SPATA9: variants seen among roughly 807,000 people sequenced by gnomAD.
SPATA9 encodes the protein spermatogenesis associated 9.
Under a neutral mutation model 25.5 loss-of-function variants are expected in SPATA9, and 27 were observed. That is an observed-to-expected ratio of 1.06 (90% CI 0.78 to 1.46). The LOEUF (loss-of-function observed/expected upper bound fraction) is 1.46, where lower values mean the gene tolerates loss of function less well. Among genes scored for constraint, SPATA9 ranks in the 40% most tolerant of loss-of-function variants. SPATA9 has a pLI of 0.00. For missense variants in SPATA9, 282 were observed against 297.5 expected, an observed-to-expected ratio of 0.95 and a Z score of 0.38; for synonymous variants, 102 against 105.7, an observed-to-expected ratio of 0.97 and a Z score of 0.21.
chr5:95,725,056 G>A, the SPATA9 span, among the ~76,000 whole-genome samples: 1 of 151,554 alleles, frequency 6.6e-6, no homozygotes, highest in Non-Finnish European at 1.5e-5. Flanking sequence ...CACATGCCAT[G>A]TGACCTAGCA....
At chr5:95,683,600 C>T (rs1373474534), upstream of SPATA9, among the ~76,000 whole-genome samples, 2 of 152,074 alleles carry the variant, frequency 1.3e-5, no homozygotes, top group Admixed American at 1.3e-4. Flanking sequence ...TGCAGTGGCG[C>T]GATCTTGGCT....
intron 1 of SPATA9, among the ~76,000 whole-genome samples, chr5:95,697,007 T>C (rs1284725839): frequency 6.6e-6 from 1 of 152,236 alleles, no homozygotes; most frequent in Admixed American, 6.5e-5. Context: ...TTTTATAACA[T>C]CATGCATTGA....
At position 95,658,595 on chromosome 5, in the gene SPATA9, CTTAAG is replaced by C; in HGVS notation, c.*23_*27del. The C allele has an allele frequency of 6.3e-7, 1 of 1,588,704 alleles. No homozygotes were observed. The highest frequency in any genetic ancestry group is 8.6e-7 in the Non-Finnish European group (1 of 1,168,436). On this transcript the variant is annotated 3_prime_UTR_variant, in exon 5 of 5. Transcript: ENST00000274432. ...GAAATGTGCCATTAAATAGATAACT[CTTAAG>C]TTCTGTTCAGTGATACCTGTATTCA...
chr5:95,678,512 C>T lies in SPATA9; in HGVS notation c.151-2873G>A, dbSNP rs554545808. Among the ~76,000 whole-genome samples the T allele has an allele frequency of 4.6e-5, 7 of 152,288 alleles. No individual in the cohort carries two copies. The South Asian group carries it at 1.5e-3, about 32-fold the overall frequency. ...CTAGGTATATTCCTCTATAAAAATT[C>T]CATTGTCACTCCCATCAAATCTTTT... On this transcript the variant is annotated intron_variant, in intron 2 of 4. Transcript: ENST00000274432.
the SPATA9 span, among the ~76,000 whole-genome samples, chr5:95,707,538 A>T: frequency 6.6e-6 from 1 of 152,206 alleles, no homozygotes; most frequent in African/African-American, 2.4e-5. Context: ...AAAAGTTAAA[A>T]GGATAAATGG....
the SPATA9 span, among the ~76,000 whole-genome samples, chr5:95,724,857 G>A: frequency 6.6e-6 from 1 of 152,096 alleles, no homozygotes; most frequent in Non-Finnish European, 1.5e-5. Context: ...AGCACTTAAT[G>A]TAATGCCTGG....
the SPATA9 span, among the ~76,000 whole-genome samples, chr5:95,722,242 G>A: frequency 6.6e-6 from 1 of 152,122 alleles, no homozygotes; most frequent in Non-Finnish European, 1.5e-5. Context: ...TTTTAGTACA[G>A]TTAAAACATG....
At chr5:95,654,940 A>G (rs1188870323), downstream of SPATA9, among the ~76,000 whole-genome samples, 1 of 152,108 alleles carries the variant, frequency 6.6e-6, no homozygotes, top group Admixed American at 6.5e-5. Flanking sequence ...TATATTTTTA[A>G]AGAAATAAAC....
chr5:95,721,531 T>C, the SPATA9 span, among the ~76,000 whole-genome samples: 1 of 151,916 alleles, frequency 6.6e-6, no homozygotes, highest in Admixed American at 6.6e-5. Flanking sequence ...AAGAAACTAG[T>C]AGTATAGCTG....
chr5:95,673,752 CTT>C (rs749425599), intron 3 of SPATA9, among the ~76,000 whole-genome samples: 1 of 140,986 alleles, frequency 7.1e-6, no homozygotes. Flanking sequence ...TTCTTTTTTT[CTT>C]TTTTTTTTTA....
At chr5:95,708,450 G>A in the SPATA9 span, among the ~76,000 whole-genome samples, 21 of 152,272 alleles carry the variant, frequency 1.4e-4, no homozygotes, top group East Asian at 4.0e-3. Flanking sequence ...ATTTTTTCTA[G>A]TACATAATTT....
In SPATA9 at chr5:95,658,521, AAGCAG is replaced by A; in HGVS notation, c.*97_*101del. ...TAGCCCCCTTCTCTTTTTTTTAAGA[AAGCAG>A]AGCAATTCAGAATATGTAAACTAGA... On this transcript the variant is annotated 3_prime_UTR_variant, in exon 5 of 5. Coordinates refer to ENST00000274432, the MANE Select transcript of SPATA9 (RefSeq NM_031952.4). 2 of 1,336,646 alleles carry A rather than the reference AAGCAG, an allele frequency of 1.5e-6. No individual in the cohort carries two copies. The highest frequency in any genetic ancestry group is 1.9e-6 in the Non-Finnish European group (2 of 1,032,310). 82.8% of individuals were successfully genotyped at this position (1,336,646 alleles called of 1,614,324 possible).
intron 1 of SPATA9, among the ~76,000 whole-genome samples, chr5:95,695,088 T>C: frequency 6.6e-6 from 1 of 152,224 alleles, no homozygotes; most frequent in Non-Finnish European, 1.5e-5. Context: ...ACATCTACTG[T>C]ATACATGCAT....
At position 95,681,231 on chromosome 5, in the gene SPATA9, C is replaced by T. The variant is rs186078005; in HGVS notation, c.150+1297G>A. Among the ~76,000 whole-genome samples the T allele has an allele frequency of 5.9e-5, 9 of 152,296 alleles. No individual in the cohort carries two copies. In the East Asian group the frequency reaches 1.7e-3, roughly 29 times the overall value. ...TTTTCACATGGCATACAAAGACCTC[C>T]ACCCCGTTTTCTACTATTTCCTATC... On this transcript the variant is annotated intron_variant, in intron 2 of 4. Coordinates refer to ENST00000274432, the MANE Select transcript of SPATA9 (RefSeq NM_031952.4).
At chr5:95,663,618 C>T (rs901106392) in intron 4 of SPATA9, among the ~76,000 whole-genome samples, 3 of 151,830 alleles carry the variant, frequency 2.0e-5, no homozygotes, top group African/African-American at 7.3e-5. Context: ...GTGAGAAACC[C>T]CAAATGTTAG....
chr5:95,726,490 A>C, the SPATA9 span, among the ~76,000 whole-genome samples: 25 of 152,372 alleles, frequency 1.6e-4, no homozygotes, highest in African/African-American at 5.5e-4. Context: ...TCAGAATATC[A>C]TTGTCTATTA....
upstream of SPATA9, among the ~76,000 whole-genome samples, chr5:95,699,975 C>G (rs1469478138): frequency 2.0e-5 from 3 of 152,058 alleles, no homozygotes; most frequent in Non-Finnish European, 4.4e-5. Context: ...CTGGGCCAGA[C>G]AGAAAGATCT....
At chr5:95,681,901 C>T (rs75634816) in intron 2 of SPATA9, among the ~76,000 whole-genome samples, 7,744 of 152,170 alleles carry the variant, frequency 0.051, 275 homozygotes, top group African/African-American at 0.098. Flanking sequence ...TCAAAATGAC[C>T]GAACCACATT....
rs1225859961 is a variant in SPATA9 at position 95,682,905 on chromosome 5, T to C, written c.-51A>G. On this transcript the variant is annotated 5_prime_UTR_variant, in exon 1 of 5. Transcript: ENST00000274432. ...TCCTTAACAAGCTTGCAGGCCTGGG[T>C]AATGCTTGTCCTAGTCTGCCATTAG... 1.4e-6 allele frequency: 2 copies of C among 1,463,638 alleles called. No individual in the cohort carries two copies. The highest frequency in any genetic ancestry group is 1.8e-6 in the Non-Finnish European group (2 of 1,108,546). 90.7% of individuals were successfully genotyped at this position (1,463,638 alleles called of 1,614,324 possible). A position where few individuals can be genotyped will look rare whatever the true frequency, so the allele number is the denominator to read the frequency against.
Sources: gnomAD v4.1 joint callset for allele counts (sites outside exome capture counted in the v4.1 genomes callset) on GRCh38, gnomAD v4.1.1 for gene constraint, MANE v1.5 for transcripts, NCBI Gene and HGNC (gene_info 2026-07-23, HGNC 2026-07-21) for gene names.